ADAM12: variants seen among roughly 807,000 people sequenced by gnomAD.
The protein encoded by ADAM12 is disintegrin and metalloproteinase domain-containing protein 12.
Under a neutral mutation model 106.4 loss-of-function variants are expected in ADAM12, and 70 were observed. That is an observed-to-expected ratio of 0.66 (90% CI 0.54 to 0.80). The LOEUF (loss-of-function observed/expected upper bound fraction) is 0.80, where lower values mean the gene tolerates loss of function less well. ADAM12 is among the 30% of genes least tolerant of loss of function. ADAM12 has a pLI of 0.00. For missense variants in ADAM12, 1,010 were observed against 1,171.9 expected (o/e 0.86, Z 2.02); for synonymous variants, 420 against 433.5 (o/e 0.97, Z 0.39).
chr10:126,334,019 T>C (rs944309276), intron 1 of ADAM12, among the ~76,000 whole-genome samples: 11 of 152,164 alleles, frequency 7.2e-5, no homozygotes, highest in Admixed American at 2.6e-4. Flanking sequence ...CCCTCAGCAA[T>C]ATCTGTAGTC....
intron 1 of ADAM12, among the ~76,000 whole-genome samples, chr10:126,330,941 C>CT (rs1204136991): frequency 6.6e-6 from 1 of 152,154 alleles, no homozygotes; most frequent in Non-Finnish European, 1.5e-5. Context: ...ATCTGTTAAA[C>CT]ATAATGCCAA....
intron 21 of ADAM12, among the ~76,000 whole-genome samples, chr10:126,030,765 A>G (rs1442681996): frequency 6.6e-6 from 1 of 152,210 alleles, no homozygotes; most frequent in African/African-American, 2.4e-5. Flanking sequence ...AAGTTCAGCT[A>G]AAGTTTCTGG....
chr10:126,212,646 AT>A (rs1367645011), intron 3 of ADAM12, among the ~76,000 whole-genome samples: 5 of 152,112 alleles, frequency 3.3e-5, no homozygotes. Flanking sequence ...TGCCTTGCTA[AT>A]CTAATTTTAT....
chr10:126,248,346 A>G (rs1364957286), intron 3 of ADAM12, among the ~76,000 whole-genome samples: 1 of 152,220 alleles, frequency 6.6e-6, no homozygotes, highest in Admixed American at 6.5e-5. Context: ...AGAGCCTGGC[A>G]TATAACAAAC....
At chr10:126,135,807 A>C in intron 4 of ADAM12, 147 bp from the exon 5 acceptor site, 1 of 714,606 alleles carries the variant, frequency 1.4e-6, no homozygotes, top group Non-Finnish European at 2.3e-6. Context: ...GCAAAGCCCA[A>C]CATGACCCAG....
Position 126,049,858 on chromosome 10 carries a change from G to A in ADAM12, c.1610-189C>T, listed in dbSNP as rs187407245. 1.3e-5 allele frequency among the ~76,000 whole-genome samples: 2 copies of A among 152,174 alleles called. No homozygotes were observed. The highest frequency in any genetic ancestry group is 4.8e-5 in the African/African-American group (2 of 41,502). On this transcript the variant is annotated intron_variant, in intron 14 of 22. Transcript: ENST00000448723. This position sits in a 1 kb window ranked among gnomAD's most constrained non-coding sequence, Gnocchi z 4.4. ...AGCAGCTCGCATCCTCTCTTGACTC[G>A]GCCTCTGGCAGAGCACATGTTCCAA...
intron 3 of ADAM12, among the ~76,000 whole-genome samples, chr10:126,229,363 G>A (rs1958263232): frequency 6.6e-6 from 1 of 152,102 alleles, no homozygotes; most frequent in Admixed American, 6.5e-5. Context: ...GGTTTGTCTG[G>A]GCATGGCAGT....
At chr10:126,115,357 T>C (rs1158351522) in intron 6 of ADAM12, among the ~76,000 whole-genome samples, 3 of 152,178 alleles carry the variant, frequency 2.0e-5, no homozygotes, top group East Asian at 1.9e-4. Context: ...CTTGAATGAG[T>C]AGCCGATGGA....
intron 3 of ADAM12, among the ~76,000 whole-genome samples, chr10:126,181,946 A>T (rs1957320153): frequency 6.6e-6 from 1 of 152,200 alleles, no homozygotes; most frequent in African/African-American, 2.4e-5. Flanking sequence ...AGCATCCATT[A>T]GTCTGCTGCC....
At chr10:126,193,893 T>C (rs754494333) in intron 3 of ADAM12, among the ~76,000 whole-genome samples, 4 of 137,780 alleles carry the variant, frequency 2.9e-5, no homozygotes, top group Admixed American at 7.4e-5. Context: ...CTCTGTCTCA[T>C]GAAATAAAAT....
chr10:126,019,950 G>A, intron 21 of ADAM12, 125 bp from the exon 22 acceptor site: 1 of 1,179,076 alleles, frequency 8.5e-7, no homozygotes, highest in Non-Finnish European at 1.2e-6. Context: ...ATACAAGGTG[G>A]GTGGAGGCTG....
At chr10:126,207,826 T>C (rs1957824097) in intron 3 of ADAM12, among the ~76,000 whole-genome samples, 2 of 152,236 alleles carry the variant, frequency 1.3e-5, no homozygotes, top group Admixed American at 6.5e-5. Context: ...CTCTCAGGAA[T>C]TAGAGATTCA....
chr10:126,173,345 A>G (rs974850161), intron 3 of ADAM12, among the ~76,000 whole-genome samples: 1 of 152,226 alleles, frequency 6.6e-6, no homozygotes, highest in African/African-American at 2.4e-5. Context: ...CCACAGAAAC[A>G]GCAAACGCGG....
At position 126,220,782 on chromosome 10, in the gene ADAM12, C is replaced by T. The variant is rs564780529; in HGVS notation, c.260+58133G>A. ...AGTTGGAAAGTCTAGGAATAATTGT[C>T]ACCTATTAGGAGCCGCTCCTCCCAG... On this transcript the variant is annotated intron_variant, in intron 3 of 22. Transcript: ENST00000448723. 1.1e-4 allele frequency among the ~76,000 whole-genome samples: 16 copies of T among 152,350 alleles called. No individual in the cohort carries two copies. The South Asian group carries it at 3.3e-3, about 32-fold the overall frequency.
chr10:126,178,586 C>G (rs976831773), intron 3 of ADAM12, among the ~76,000 whole-genome samples: 1 of 151,642 alleles, frequency 6.6e-6, no homozygotes, highest in Non-Finnish European at 1.5e-5. Flanking sequence ...ATTGAAAGTA[C>G]TAGAACACAA....
chr10:126,216,659 C>G (rs1957993440), intron 3 of ADAM12, among the ~76,000 whole-genome samples: 2 of 152,202 alleles, frequency 1.3e-5, no homozygotes, highest in African/African-American at 4.8e-5. Flanking sequence ...CCGACGCATC[C>G]TTTATTAATG....
chr10:126,360,822 T>C (rs2133902563), intron 1 of ADAM12, among the ~76,000 whole-genome samples: 1 of 152,350 alleles, frequency 6.6e-6, no homozygotes, highest in East Asian at 1.9e-4. Flanking sequence ...CAATTTACTG[T>C]ATTAGTTTGT....
Position 126,118,211 on chromosome 10 carries a change from A to G in ADAM12, c.430T>C (p.Phe144Leu). The stretch of plus-strand genomic sequence containing the variant: ...TCTAAGACATAGCTTTCATTTTCAA[A>G]CACAATAAGTCCCCTGTTGAAAAAG... Reference protein sequence around the residue: ...TCSGLRGLIVFENESYVLEPM... With the variant: ...TCSGLRGLIVLENESYVLEPM... Residue 144 changes from phenylalanine (F) to leucine (L), a missense_variant, in exon 6 of 23, where the codon TTT becomes CTT. Phe to Leu is a conservative substitution (Grantham distance 22). Coordinates refer to ENST00000448723, the MANE Select transcript of ADAM12 (RefSeq NM_001288973.2). 6.2e-7 allele frequency: 1 copy of G among 1,613,576 alleles called. No individual in the cohort carries two copies. The highest frequency in any genetic ancestry group is 8.5e-7 in the Non-Finnish European group (1 of 1,179,550).
chr10:126,037,264 GCT>G (rs914288718), intron 20 of ADAM12, among the ~76,000 whole-genome samples: 3 of 145,864 alleles, frequency 2.1e-5, no homozygotes, highest in Non-Finnish European at 4.5e-5. Flanking sequence ...CTAGTTTGGG[GCT>G]CTCAAAAATA....
Sources: allele counts gnomAD v4.1 joint callset (sites outside exome capture counted in the v4.1 genomes callset), GRCh38; gene constraint gnomAD v4.1.1; non-coding constraint Gnocchi (gnomAD v3.1); transcripts MANE v1.5; gene names NCBI Gene and HGNC (gene_info 2026-07-23, HGNC 2026-07-21).